PALM2AKAP2: variants seen among roughly 807,000 people sequenced by gnomAD.
PALM2AKAP2 encodes PALM2-AKAP2 fusion protein.
A neutral mutation model predicts 71.5 loss-of-function variants in PALM2AKAP2; 37 were observed. The observed-to-expected ratio is 0.52, with a 90% confidence interval of 0.40 to 0.68. The LOEUF is 0.68. Among genes scored for constraint, PALM2AKAP2 ranks in the 30% least tolerant of loss-of-function variants. The probability of loss-of-function intolerance (pLI) is 0.00; values close to 1 mark genes in which losing one functional copy is unlikely to be tolerated. For missense variants in PALM2AKAP2, 1,224 were observed against 1,191.8 expected (o/e 1.03, Z -0.40); for synonymous variants, 468 against 478.8 (o/e 0.98, Z 0.29).
intron 7 of PALM2AKAP2, among the ~76,000 whole-genome samples, chr9:110,019,514 C>T (rs1196487006): frequency 6.6e-6 from 1 of 152,180 alleles, no homozygotes; most frequent in Non-Finnish European, 1.5e-5. Flanking sequence ...TTCTGTAGCA[C>T]TATTCACAGT....
At chr9:109,694,676 T>G (rs1587870829) in intron 1 of PALM2AKAP2, among the ~76,000 whole-genome samples, 1 of 152,106 alleles carries the variant, frequency 6.6e-6, no homozygotes, top group African/African-American at 2.4e-5. Flanking sequence ...ACTAAAGGTT[T>G]CTCTGGTGTA....
At chr9:109,692,208 T>G (rs1343387401) in intron 1 of PALM2AKAP2, among the ~76,000 whole-genome samples, 1 of 151,698 alleles carries the variant, frequency 6.6e-6, no homozygotes, top group African/African-American at 2.4e-5. Flanking sequence ...TTTAAAATTT[T>G]ATTGTAAATT....
At chr9:110,024,136 T>C (rs11789093) in intron 7 of PALM2AKAP2, among the ~76,000 whole-genome samples, 42,388 of 152,002 alleles carry the variant, frequency 0.28, 6,225 homozygotes, top group Admixed American at 0.36. Context: ...GCATGCCATA[T>C]GGTTCCCCCA....
At chr9:110,025,326 G>A (rs1001044602) in intron 7 of PALM2AKAP2, 47 of 1,194,074 alleles carry the variant, frequency 3.9e-5, no homozygotes, top group Non-Finnish European at 5.5e-5. Flanking sequence ...ACATATGTCG[G>A]GAGCCTCTCC....
At chr9:109,938,083 GT>G (rs1225493857) in intron 6 of PALM2AKAP2, among the ~76,000 whole-genome samples, 2 of 152,252 alleles carry the variant, frequency 1.3e-5, no homozygotes, top group Non-Finnish European at 2.9e-5. Context: ...AAGTAGAAGA[GT>G]TTTTAAAATC....
chr9:109,924,358 G>A (rs1403081360), intron 4 of PALM2AKAP2, among the ~76,000 whole-genome samples: 3 of 152,242 alleles, frequency 2.0e-5, no homozygotes, highest in African/African-American at 7.2e-5. Context: ...CAGCACTTTG[G>A]GAGGCCGGGG....
chr9:110,092,848 C>G (rs1834746387), intron 1 of PALM2AKAP2, among the ~76,000 whole-genome samples: 1 of 152,188 alleles, frequency 6.6e-6, no homozygotes, highest in South Asian at 2.1e-4. Flanking sequence ...TTTTATTCTA[C>G]TTTCTCAATT....
rs192420867 is a variant in PALM2AKAP2 at position 110,124,365 on chromosome 9, C to T, written c.157-11762C>T. Among the ~76,000 whole-genome samples, 23 of 152,316 alleles carry T rather than the reference C, an allele frequency of 1.5e-4. 1 individual carries two copies. The South Asian group carries it at 3.7e-3, about 25-fold the overall frequency. ...CATGTGTAGCGTTTGTCATCTTTCC[C>T]CCAGTTTACTGTAAATCTCAGTTCT... On this transcript the variant is annotated intron_variant, in intron 1 of 3. Transcript: ENST00000374525.
intron 3 of PALM2AKAP2, among the ~76,000 whole-genome samples, chr9:109,915,818 A>G (rs1028063204): frequency 1.4e-4 from 22 of 152,144 alleles, no homozygotes; most frequent in African/African-American, 3.9e-4. Context: ...GGAAGGAAAA[A>G]TGAAGCCCAC....
chr9:109,787,902 A>G (rs1827011406), intron 1 of PALM2AKAP2, among the ~76,000 whole-genome samples: 1 of 152,144 alleles, frequency 6.6e-6, no homozygotes, highest in African/African-American at 2.4e-5. Flanking sequence ...ATTTATTTGG[A>G]TTTCATAAGG....
At chr9:110,136,373 G>T (rs1835866301) in exon 2 of PALM2AKAP2, 1 of 1,614,196 alleles carries the variant, frequency 6.2e-7, no homozygotes. Flanking sequence ...CGAATCCCTG[G>T]ATAATGATGT....
At chr9:109,640,895 T>A (rs1168684447) in intron 1 of PALM2AKAP2, 3 of 1,511,700 alleles carry the variant, frequency 2.0e-6, no homozygotes, top group Non-Finnish European at 2.6e-6. Context: ...CGCCGCCAGC[T>A]GCTCTCCTCT....
chr9:110,137,439 C>G (rs764376988), exon 2 of PALM2AKAP2: 9 of 1,614,114 alleles, frequency 5.6e-6, no homozygotes, highest in Non-Finnish European at 7.6e-6. Context: ...GAGACCCCAT[C>G]GGCAGCAGGA....
In PALM2AKAP2 at chr9:109,774,697, A is replaced by T. The variant is rs181134823; in HGVS notation, c.6-5791A>T. On this transcript the variant is annotated intron_variant, in intron 1 of 6. Transcript: ENST00000374531. ...AAAAAGCCTACATAAAAGGGTGGATAAAATGAAGTCATTCACTTAAGTTGG... is the reference window on the plus strand; with the variant it reads ...AAAAAGCCTACATAAAAGGGTGGATTAAATGAAGTCATTCACTTAAGTTGG... Among the ~76,000 whole-genome samples, 193 of 152,190 alleles carry T rather than the reference A, an allele frequency of 1.3e-3. 1 individual carries two copies. The highest frequency in any genetic ancestry group is 4.4e-3 in the African/African-American group (184 of 41,554).
chr9:109,973,642 G>A (rs1262338782), intron 6 of PALM2AKAP2, among the ~76,000 whole-genome samples: 1 of 152,194 alleles, frequency 6.6e-6, no homozygotes, highest in African/African-American at 2.4e-5. Flanking sequence ...CCTCCCACAG[G>A]GAAGGCAGAA....
chr9:109,941,439 T>C (rs1344855696), intron 6 of PALM2AKAP2, among the ~76,000 whole-genome samples: 1 of 152,226 alleles, frequency 6.6e-6, no homozygotes, highest in Non-Finnish European at 1.5e-5. Context: ...AGTGTTTGGC[T>C]GTAAGAAAGT....
At chr9:109,966,888 C>T (rs1831960240) in intron 6 of PALM2AKAP2, among the ~76,000 whole-genome samples, 7 of 152,170 alleles carry the variant, frequency 4.6e-5, no homozygotes, top group Admixed American at 1.3e-4. Flanking sequence ...GCGGGTCTGC[C>T]GGCCACTCCT....
intron 1 of PALM2AKAP2, among the ~76,000 whole-genome samples, chr9:109,807,333 A>C (rs774915122): frequency 8.5e-5 from 13 of 152,208 alleles, no homozygotes; most frequent in African/African-American, 1.2e-4. Context: ...GGAAGTGTTG[A>C]GTGGTCAGTG....
intron 3 of PALM2AKAP2, among the ~76,000 whole-genome samples, chr9:109,916,257 A>G (rs1422775402): frequency 6.6e-6 from 1 of 152,192 alleles, no homozygotes; most frequent in African/African-American, 2.4e-5. Context: ...AGGATCTGGG[A>G]AGCAGGAACT....
Sources: gnomAD v4.1 joint callset for allele counts (sites outside exome capture counted in the v4.1 genomes callset) on GRCh38, gnomAD v4.1.1 for gene constraint, MANE v1.5 for transcripts, NCBI Gene and HGNC (gene_info 2026-07-23, HGNC 2026-07-21) for gene names.